The following DNAH5 variants were observed in gnomAD, a reference collection of about 807,000 sequenced individuals.
DNAH5 encodes axonemal beta dynein heavy chain 5.
In DNAH5, 372 loss-of-function variants were observed where a neutral mutation model predicts 518.2. That is an observed-to-expected ratio of 0.72 (90% CI 0.66 to 0.78). The LOEUF is 0.78. Ranked by LOEUF, DNAH5 falls within the 30% of genes least tolerant of loss-of-function variation. The pLI, the probability that DNAH5 is intolerant of heterozygous loss-of-function variation, is 0.00. For missense variants in DNAH5, 5,523 were observed against 5,687.0 expected, an observed-to-expected ratio of 0.97 and a Z score of 0.93; for synonymous variants, 2,039 against 2,025.9, an observed-to-expected ratio of 1.01 and a Z score of -0.17.
chr5:13,933,083 TCCAGACATTG>T (rs1778573593), intron 1 of DNAH5, among the ~76,000 whole-genome samples: 1 of 152,180 alleles, frequency 6.6e-6, no homozygotes, highest in Non-Finnish European at 1.5e-5. Context: ...AAAAAACGTC[TCCAGACATTG>T]CCAAATGGCC....
chr5:13,969,862 T>C (rs1260155131), intron 1 of DNAH5, among the ~76,000 whole-genome samples: 1 of 152,218 alleles, frequency 6.6e-6, no homozygotes, highest in Admixed American at 6.5e-5. Context: ...TGTTTCTTTG[T>C]TGACTTTCTG....
At chr5:14,009,956 C>T (rs1785000557) in intron 1 of DNAH5, among the ~76,000 whole-genome samples, 1 of 152,118 alleles carries the variant, frequency 6.6e-6, no homozygotes, top group Admixed American at 6.5e-5. Flanking sequence ...TCTGTATATT[C>T]ATTATAGAAA....
intron 3 of DNAH5, among the ~76,000 whole-genome samples, chr5:13,926,560 G>C (rs370313048): frequency 6.6e-6 from 1 of 152,160 alleles, no homozygotes; most frequent in African/African-American, 2.4e-5. Context: ...AGAATATTTC[G>C]CTTTCCATCA....
chr5:13,735,032 G>C, intron 68 of DNAH5, 99 bp downstream of exon 68: 1 of 1,042,528 alleles, frequency 9.6e-7, no homozygotes, highest in Non-Finnish European at 1.5e-6. Flanking sequence ...CTTACATAAT[G>C]CAAGGCAATT....
chr5:13,736,667 T>C (rs1747506024), intron 66 of DNAH5, among the ~76,000 whole-genome samples: 1 of 152,126 alleles, frequency 6.6e-6, no homozygotes, highest in Admixed American at 6.6e-5. Context: ...CCTCAGATGA[T>C]CTGCCCACCT....
chr5:13,955,414 G>A (rs1189867902), intron 1 of DNAH5, among the ~76,000 whole-genome samples: 1 of 152,124 alleles, frequency 6.6e-6, no homozygotes. Flanking sequence ...AATACACCAA[G>A]AGAACTCAGC....
intron 1 of DNAH5, among the ~76,000 whole-genome samples, chr5:13,999,356 C>G (rs926866198): frequency 1.3e-5 from 2 of 152,206 alleles, no homozygotes; most frequent in Non-Finnish European, 2.9e-5. Context: ...TAACAATTCC[C>G]CACTTTCTGC....
Position 13,766,047 on chromosome 5 carries a change from T to C in DNAH5, c.10030A>G (p.Ser3344Gly). Residue 3344 changes from serine (S) to glycine (G), a missense_variant, in exon 59 of 79, where the codon AGC (serine) becomes GGC (glycine). This residue lies in a region of DNAH5 where 5,121 missense variants were observed against 5,223.3 expected (regional missense o/e 0.98). Coordinates refer to ENST00000265104, the MANE Select transcript of DNAH5 (RefSeq NM_001369.3). ...TCCTGCCAGGAGGGCATGGTACAGC[T>C]TTTTTCCAGGTCAATTTTCACAGCA... ...VSAVKIDLEK[S>G]CTMPSWQESL... 6.2e-7 allele frequency: 1 copy of C among 1,614,198 alleles called. No individual in the cohort carries two copies. Among genetic ancestry groups the C allele is most frequent in the East Asian group, 2.2e-5 (1 of 44,890 alleles).
chr5:13,927,363 G>A (rs1162176049), intron 3 of DNAH5, among the ~76,000 whole-genome samples: 5 of 152,040 alleles, frequency 3.3e-5, no homozygotes, highest in African/African-American at 1.2e-4. Context: ...GTGGTGGCGC[G>A]CACCTGTAGT....
intron 65 of DNAH5, among the ~76,000 whole-genome samples, chr5:13,742,749 T>G (rs6554811): frequency 0.39 from 58,911 of 151,774 alleles, 11,852 homozygotes; most frequent in South Asian, 0.51. Context: ...TTAAAATAAA[T>G]CTAAGTACAT....
intron 1 of DNAH5, chr5:13,932,320 G>A (rs1778503237): frequency 1.3e-5 from 2 of 152,178 alleles, no homozygotes; most frequent in South Asian, 4.1e-4. Flanking sequence ...GCAAAAAGAA[G>A]GGTCTCCCAC....
At chr5:13,705,167 A>G (rs1742617889) in intron 76 of DNAH5, among the ~76,000 whole-genome samples, 1 of 151,898 alleles carries the variant, frequency 6.6e-6, no homozygotes, top group East Asian at 1.9e-4. Context: ...AATTTTTTGT[A>G]GTTTTTTTAG....
intron 55 of DNAH5, among the ~76,000 whole-genome samples, chr5:13,775,502 A>G (rs984549864): frequency 2.7e-5 from 4 of 149,866 alleles, no homozygotes; most frequent in African/African-American, 9.7e-5. Context: ...GATAGATAAT[A>G]GAGAGAGAAA....
At chr5:13,883,275 T>A (rs1327996415) in intron 19 of DNAH5, among the ~76,000 whole-genome samples, 181 bp from the exon 20 acceptor site, 2 of 152,108 alleles carry the variant, frequency 1.3e-5, no homozygotes, top group East Asian at 3.9e-4. Context: ...AACAAAGCAG[T>A]TCAGGGGAAC....
intron 67 of DNAH5, 101 bp downstream of exon 67, chr5:13,735,717 A>T (rs564814023): frequency 1.0e-6 from 1 of 975,076 alleles, no homozygotes; most frequent in South Asian, 1.3e-5. Context: ...TAAAAAAGAA[A>T]AAGACTCTTA....
At chr5:13,829,477 G>A (rs1763341170) in intron 38 of DNAH5, 33 bp downstream of exon 38, 2 of 1,600,812 alleles carry the variant, frequency 1.2e-6, no homozygotes, top group Admixed American at 3.3e-5. Flanking sequence ...AATGAAACAT[G>A]CCTAAGTGCA....
intron 75 of DNAH5, 141 bp from the exon 76 acceptor site, chr5:13,708,476 G>GAA (rs5866062): frequency 0.015 from 9,031 of 612,930 alleles, 1 homozygote; most frequent in Middle Eastern, 0.022. Context: ...ATGGCAAAAA[G>GAA]AAAAAAAAAA....
chr5:13,713,465 A>ATATATG (rs1392392760), intron 75 of DNAH5, among the ~76,000 whole-genome samples: 3 of 119,436 alleles, frequency 2.5e-5, no homozygotes, highest in African/African-American at 8.3e-5. Context: ...ATATATATAT[A>ATATATG]TACACACACC....
At position 13,820,567 on chromosome 5, in the gene DNAH5, G is replaced by A. The variant is rs1762088090; in HGVS notation, c.6688-68C>T. 3.2e-6 allele frequency: 5 copies of A among 1,581,374 alleles called. No homozygotes were observed. In the East Asian group the frequency reaches 6.7e-5, roughly 21 times the overall value. On this transcript the variant is annotated intron_variant, in intron 40 of 78. Coordinates refer to ENST00000265104, the MANE Select transcript of DNAH5 (RefSeq NM_001369.3). Reference sequence around the variant, plus strand: ...TGGCCGGACACGGTGGCTCACGCCTGTAATCCCAACAATTTGGGAGGCCGA... The same window carrying A: ...TGGCCGGACACGGTGGCTCACGCCTATAATCCCAACAATTTGGGAGGCCGA...
Sources: allele counts gnomAD v4.1 joint callset (sites outside exome capture counted in the v4.1 genomes callset), GRCh38; gene constraint gnomAD v4.1.1; regional missense constraint gnomAD v4.1.1; transcripts MANE v1.5; gene names NCBI Gene and HGNC (gene_info 2026-07-23, HGNC 2026-07-21).